Variants in PHF24 observed in about 807,000 individuals in gnomAD.
PHF24 encodes Galpha inhibitory interacting protein.
PHF24 carries 25 observed loss-of-function variants against 42.6 expected under a neutral mutation model. That is an observed-to-expected ratio of 0.59 (90% CI 0.43 to 0.82). The LOEUF (loss-of-function observed/expected upper bound fraction) is 0.82. PHF24 is among the 40% of genes least tolerant of loss of function. PHF24 has a pLI of 0.00. For missense variants in PHF24, 470 were observed against 538.1 expected (o/e 0.87, Z 1.25); for synonymous variants, 185 against 204.8 (o/e 0.90, Z 0.83).
chr9:34,825,506 G>A, the PHF24 span, among the ~76,000 whole-genome samples: 1 of 151,960 alleles, frequency 6.6e-6, no homozygotes, highest in Non-Finnish European at 1.5e-5. Flanking sequence ...TTGTGTCTGT[G>A]GGTCTGTAAG....
chr9:34,743,489 A>G, the PHF24 span, among the ~76,000 whole-genome samples: 5 of 152,226 alleles, frequency 3.3e-5, no homozygotes, highest in Non-Finnish European at 5.9e-5. Context: ...ATTTTAGGCT[A>G]TTTATTTCTA....
At chr9:34,774,454 C>T in the PHF24 span, among the ~76,000 whole-genome samples, 2 of 152,064 alleles carry the variant, frequency 1.3e-5, no homozygotes, top group African/African-American at 4.8e-5. Context: ...CTTGAGAAGG[C>T]ATTTCTTTAA....
the PHF24 span, among the ~76,000 whole-genome samples, chr9:34,935,815 A>C: frequency 6.6e-6 from 1 of 151,750 alleles, no homozygotes; most frequent in Non-Finnish European, 1.5e-5. Flanking sequence ...AAAATTATCC[A>C]GTACAGATAA....
At chr9:34,684,045 AT>A in the PHF24 span, among the ~76,000 whole-genome samples, 1 of 152,204 alleles carries the variant, frequency 6.6e-6, no homozygotes, top group Non-Finnish European at 1.5e-5. Context: ...TATTTTCTGC[AT>A]CTTCCCAGGG....
chr9:34,770,431 G>C, the PHF24 span, among the ~76,000 whole-genome samples: 1 of 152,016 alleles, frequency 6.6e-6, no homozygotes, highest in Non-Finnish European at 1.5e-5. Flanking sequence ...GTGCAAAATA[G>C]TACAATTCCT....
At chr9:34,701,322 T>C in the PHF24 span, among the ~76,000 whole-genome samples, 1 of 152,046 alleles carries the variant, frequency 6.6e-6, no homozygotes, top group Non-Finnish European at 1.5e-5. The surrounding 1 kb of genome is among the most constrained non-coding windows in gnomAD (Gnocchi z 5.8). Context: ...AGATGGTTAG[T>C]GTATGTCGCA....
chr9:34,761,172 C>A, the PHF24 span, among the ~76,000 whole-genome samples: 4 of 152,176 alleles, frequency 2.6e-5, no homozygotes, highest in East Asian at 1.9e-4. Flanking sequence ...AAATATAATT[C>A]TTTTCCCTTT....
At chr9:34,922,857 A>G in the PHF24 span, 3 of 1,583,546 alleles carry the variant, frequency 1.9e-6, no homozygotes, top group African/African-American at 1.3e-5. Flanking sequence ...GCAGGCTGCC[A>G]TATCATCATA....
the PHF24 span, chr9:34,832,818 C>T: frequency 5.8e-6 from 9 of 1,551,530 alleles, no homozygotes; most frequent in African/African-American, 1.4e-5. Flanking sequence ...AGCTGGGGCA[C>T]CACAGTCTGG....
intron 6 of PHF24, 102 bp from the exon 7 acceptor site, chr9:34,977,444 G>A (rs1357992068): frequency 3.8e-6 from 5 of 1,307,778 alleles, no homozygotes; most frequent in Non-Finnish European, 5.4e-6. Context: ...CATGTCAGAA[G>A]AGCCTGGATG....
chr9:34,929,228 T>C, the PHF24 span, among the ~76,000 whole-genome samples: 1 of 152,112 alleles, frequency 6.6e-6, no homozygotes, highest in African/African-American at 2.4e-5. Flanking sequence ...CTGGAGGGAG[T>C]TTCCCCTTTA....
upstream of PHF24, among the ~76,000 whole-genome samples, chr9:34,953,330 T>C (rs1297803852): frequency 2.6e-5 from 4 of 152,210 alleles, no homozygotes; most frequent in African/African-American, 9.7e-5. This position sits in a 1 kb window ranked among gnomAD's most constrained non-coding sequence, Gnocchi z 4.1. Flanking sequence ...TATCTTTTAT[T>C]GTAGAGACAG....
the PHF24 span, among the ~76,000 whole-genome samples, chr9:34,821,206 A>G: frequency 6.6e-6 from 1 of 152,216 alleles, no homozygotes; most frequent in Non-Finnish European, 1.5e-5. Context: ...TAAATCTACC[A>G]TCTTGCCATT....
chr9:34,777,079 G>A, the PHF24 span, among the ~76,000 whole-genome samples: 3 of 152,214 alleles, frequency 2.0e-5, no homozygotes, highest in African/African-American at 7.2e-5. Flanking sequence ...GCCAGGTAAG[G>A]CAGTCTTTGG....
chr9:34,678,373 G>T, the PHF24 span: 6 of 102,340 alleles, frequency 5.9e-5, no homozygotes, highest in Admixed American at 3.0e-4. Flanking sequence ...TGCTCTTGTT[G>T]CCCTGGCTGG....
At chr9:34,756,901 T>C in the PHF24 span, among the ~76,000 whole-genome samples, 2 of 151,728 alleles carry the variant, frequency 1.3e-5, no homozygotes, top group Non-Finnish European at 2.9e-5. Flanking sequence ...ATCAGTGTTT[T>C]TCTTTTCTTT....
the PHF24 span, among the ~76,000 whole-genome samples, chr9:34,706,804 C>T: frequency 1.3e-5 from 2 of 151,924 alleles, no homozygotes; most frequent in Non-Finnish European, 2.9e-5. Flanking sequence ...GGGAGCCTGA[C>T]GTCAAAGGCC....
chr9:34,740,084 C>G, the PHF24 span, among the ~76,000 whole-genome samples: 5 of 152,212 alleles, frequency 3.3e-5, no homozygotes, highest in Non-Finnish European at 7.4e-5. Context: ...GAACTAGATA[C>G]GGAGTGCCGA....
the PHF24 span, chr9:34,838,395 C>G: frequency 8.8e-7 from 1 of 1,138,974 alleles, no homozygotes; most frequent in East Asian, 2.6e-5. Flanking sequence ...CATGGTGGCT[C>G]CTTTTCACTT....
Sources: gnomAD v4.1 joint callset for allele counts (sites outside exome capture counted in the v4.1 genomes callset) on GRCh38, gnomAD v4.1.1 for gene constraint, Gnocchi (gnomAD v3.1) non-coding constraint, MANE v1.5 for transcripts, NCBI Gene and HGNC (gene_info 2026-07-23, HGNC 2026-07-21) for gene names.